SLIT3: variants seen among roughly 807,000 people sequenced by gnomAD.
The protein encoded by SLIT3 is slit homolog 3 protein.
SLIT3 carries 68 observed loss-of-function variants against 184.0 expected under a neutral mutation model. That is an observed-to-expected ratio of 0.37 (90% CI 0.30 to 0.45). SLIT3 has a LOEUF of 0.45. Among genes scored for constraint, SLIT3 ranks in the 20% least tolerant of loss-of-function variants. The pLI is 1.00. For synonymous variants in SLIT3, 831 were observed against 828.6 expected, an observed-to-expected ratio of 1.00 and a Z score of -0.05; for missense variants, 1,707 against 2,026.0, an observed-to-expected ratio of 0.84 and a Z score of 3.02.
At chr5:168,904,798 C>G (rs145873684) in intron 4 of SLIT3, among the ~76,000 whole-genome samples, 1 of 152,240 alleles carries the variant, frequency 6.6e-6, no homozygotes, top group African/African-American at 2.4e-5. Context: ...ACAAGGACGC[C>G]CCAGGCTGCC....
intron 4 of SLIT3, among the ~76,000 whole-genome samples, chr5:168,919,842 A>G (rs1195877924): frequency 1.3e-5 from 2 of 152,188 alleles, no homozygotes; most frequent in Non-Finnish European, 2.9e-5. Flanking sequence ...TTTTTCATTG[A>G]TTAAAAAGTG....
intron 3 of SLIT3, among the ~76,000 whole-genome samples, chr5:169,195,333 G>C (rs1454688394): frequency 6.6e-6 from 1 of 152,194 alleles, no homozygotes. Flanking sequence ...ATGTGATAGA[G>C]AAGCATTGAA....
At chr5:168,929,198 T>G (rs1024021415) in intron 4 of SLIT3, among the ~76,000 whole-genome samples, 1 of 152,150 alleles carries the variant, frequency 6.6e-6, no homozygotes, top group Non-Finnish European at 1.5e-5. Context: ...TTCCCAACTC[T>G]ACCTTAAACC....
intron 4 of SLIT3, among the ~76,000 whole-genome samples, chr5:168,988,949 G>T (rs188276891): frequency 3.5e-4 from 53 of 152,270 alleles, no homozygotes; most frequent in African/African-American, 1.3e-3. Context: ...AAAGTTTCTG[G>T]ATGTACTTTC....
At chr5:169,089,701 A>G (rs1261669810) in intron 4 of SLIT3, among the ~76,000 whole-genome samples, 1 of 151,928 alleles carries the variant, frequency 6.6e-6, no homozygotes, top group East Asian at 1.9e-4. Flanking sequence ...AGCCCTAAGG[A>G]CCCTCCATCC....
At chr5:169,008,960 T>G (rs887464911) in intron 4 of SLIT3, among the ~76,000 whole-genome samples, 2 of 152,164 alleles carry the variant, frequency 1.3e-5, no homozygotes, top group African/African-American at 4.8e-5. Flanking sequence ...ATTGAACTGA[T>G]GAAGAAACTG....
chr5:169,057,131 C>T (rs1394397142), intron 4 of SLIT3, among the ~76,000 whole-genome samples: 1 of 152,072 alleles, frequency 6.6e-6, no homozygotes, highest in African/African-American at 2.4e-5. Context: ...TTTGATATTC[C>T]AAGAAAGGAA....
intron 4 of SLIT3, among the ~76,000 whole-genome samples, chr5:169,168,807 A>G (rs1345073972): frequency 6.6e-6 from 1 of 152,198 alleles, no homozygotes; most frequent in Non-Finnish European, 1.5e-5. Context: ...AGCTGCATGC[A>G]TCCTTCAGGA....
intron 20 of SLIT3, among the ~76,000 whole-genome samples, chr5:168,735,054 T>C (rs1227301056): frequency 1.3e-5 from 2 of 152,206 alleles, no homozygotes; most frequent in Non-Finnish European, 2.9e-5. Flanking sequence ...AAGTTGTCTG[T>C]AGCCTACAGT....
chr5:168,732,902 G>A (rs189065887), intron 20 of SLIT3, among the ~76,000 whole-genome samples: 27 of 152,194 alleles, frequency 1.8e-4, no homozygotes, highest in Non-Finnish European at 2.9e-4. Flanking sequence ...TTGGACATTG[G>A]CCTAGGCAAA....
rs202128265 is a variant in SLIT3 at position 168,753,049 on chromosome 5, C to T, written c.1879G>A (p.Gly627Ser). The T allele has an allele frequency of 9.9e-5, 159 of 1,614,002 alleles. No homozygotes were observed. Among genetic ancestry groups the T allele is most frequent in the East Asian group, 2.7e-4 (12 of 44,872 alleles). Reference protein sequence around the residue: ...IGCVSNDTFAGLSSVRLLSLY... With the variant: ...IGCVSNDTFASLSSVRLLSLY... ...GACAGCAGTCTCACCGAACTCAGGC[C>T]GGCAAAGGTGTCATTACTCACACAG... is the stretch of plus-strand genomic sequence containing the variant. Residue 627 changes from glycine (G) to serine (S), a missense_variant, in exon 18 of 36, where the codon GGC becomes AGC. Gly to Ser is a moderately conservative substitution (Grantham distance 56, BLOSUM62 0). Around this residue, in one of 3 missense-constraint regions of SLIT3, gnomAD observed 1,307 missense variants for 1,511.6 expected, o/e 0.86. Transcript: ENST00000519560.
chr5:169,038,373 T>A (rs1223426985), intron 4 of SLIT3, among the ~76,000 whole-genome samples: 1 of 152,218 alleles, frequency 6.6e-6, no homozygotes, highest in Non-Finnish European at 1.5e-5. Context: ...TGTACACATA[T>A]GGAATACATT....
chr5:168,855,448 G>A lies in SLIT3; in HGVS notation c.486-10793C>T, dbSNP rs943324811. The stretch of plus-strand genomic sequence containing the variant: ...GTTCATAGTGGCACCATTCACAATA[G>A]CCAAAAGGTGGAAACAACCCAAATG... On this transcript the variant is annotated intron_variant, in intron 5 of 35. Transcript: ENST00000519560. Among the ~76,000 whole-genome samples the A allele has an allele frequency of 3.3e-4, 50 of 152,194 alleles. 1 individual carries two copies. The highest frequency in any genetic ancestry group is 4.4e-5 in the Non-Finnish European group (3 of 68,034).
chr5:169,158,392 A>G (rs1762375508), intron 4 of SLIT3, among the ~76,000 whole-genome samples: 1 of 152,162 alleles, frequency 6.6e-6, no homozygotes, highest in Non-Finnish European at 1.5e-5. Context: ...TATCCTTTGG[A>G]ATGAAGGGAA....
chr5:168,799,059 C>T (rs1252267774), intron 9 of SLIT3, among the ~76,000 whole-genome samples: 1 of 152,114 alleles, frequency 6.6e-6, no homozygotes, highest in African/African-American at 2.4e-5. Flanking sequence ...TAGTCCTTTC[C>T]AGCTCATCCA....
In SLIT3 at chr5:168,684,816, T is replaced by A. The variant is rs146931509; in HGVS notation, c.3556-720A>T. Among the ~76,000 whole-genome samples, 5 of 152,188 alleles carry A rather than the reference T, an allele frequency of 3.3e-5. No homozygotes were observed. The East Asian group carries it at 9.7e-4, about 29-fold the overall frequency. Reference sequence around the variant, plus strand: ...GCTAACAATGATAATTAATTCAATGTTTGCTAGGAACCAGGCACTATGCTA... The same window carrying A: ...GCTAACAATGATAATTAATTCAATGATTGCTAGGAACCAGGCACTATGCTA... On this transcript the variant is annotated intron_variant, in intron 31 of 35. Transcript: ENST00000519560.
intron 20 of SLIT3, among the ~76,000 whole-genome samples, chr5:168,734,155 G>A (rs750482313): frequency 7.2e-5 from 11 of 152,176 alleles, no homozygotes; most frequent in Non-Finnish European, 1.2e-4. Context: ...TAAGAAACCT[G>A]TACTTGTACC....
intron 4 of SLIT3, among the ~76,000 whole-genome samples, chr5:168,907,944 G>GTATATATA (rs1224392381): frequency 3.8e-4 from 20 of 53,090 alleles, no homozygotes; most frequent in South Asian, 8.7e-4. Context: ...TATTATACGT[G>GTATATATA]TATATATATA....
At chr5:168,961,426 A>T (rs964021554) in intron 4 of SLIT3, among the ~76,000 whole-genome samples, 2 of 152,358 alleles carry the variant, frequency 1.3e-5, no homozygotes. Flanking sequence ...ACCAAGACTG[A>T]TGAGCAGGGT....
Sources: gnomAD v4.1 joint callset for allele counts (sites outside exome capture counted in the v4.1 genomes callset) on GRCh38, gnomAD v4.1.1 for gene constraint, gnomAD v4.1.1 regional missense constraint, MANE v1.5 for transcripts, NCBI Gene and HGNC (gene_info 2026-07-23, HGNC 2026-07-21) for gene names.